The following MBOAT1 variants were observed in gnomAD, a reference collection of about 807,000 sequenced individuals.
MBOAT1 encodes the protein membrane-bound glycerophospholipid O-acyltransferase 1.
Under a neutral mutation model 64.4 loss-of-function variants are expected in MBOAT1, and 67 were observed. That is an observed-to-expected ratio of 1.04 (90% CI 0.85 to 1.27). MBOAT1 has a LOEUF of 1.27. Ranked by LOEUF, MBOAT1 falls within the 50% of genes most tolerant of loss-of-function variation. The probability of loss-of-function intolerance (pLI) is 0.00; values close to 1 mark genes in which losing one functional copy is unlikely to be tolerated. For missense variants in MBOAT1, 563 were observed against 604.6 expected (o/e 0.93, Z 0.72); for synonymous variants, 229 against 218.9 (o/e 1.05, Z -0.41).
chr6:20,142,693 AC>A (rs1256756925), intron 4 of MBOAT1, among the ~76,000 whole-genome samples: 5 of 152,018 alleles, frequency 3.3e-5, no homozygotes, highest in African/African-American at 1.2e-4. Context: ...CAAGTGATCC[AC>A]CCACCTCAGC....
At chr6:20,103,414 TGG>T (rs1423789393) in intron 12 of MBOAT1, among the ~76,000 whole-genome samples, 6 of 150,772 alleles carry the variant, frequency 4.0e-5, no homozygotes, top group Non-Finnish European at 5.9e-5. Flanking sequence ...GTTGTTGTTT[TGG>T]TTTTTTGTTT....
chr6:20,117,018 T>C (rs1760340943), intron 9 of MBOAT1, among the ~76,000 whole-genome samples: 1 of 152,208 alleles, frequency 6.6e-6, no homozygotes, highest in Admixed American at 6.5e-5. Flanking sequence ...AAGAGAAGCT[T>C]ACGGATCATG....
At chr6:20,196,660 A>G (rs1176525804) in intron 1 of MBOAT1, among the ~76,000 whole-genome samples, 1 of 152,182 alleles carries the variant, frequency 6.6e-6, no homozygotes, top group Non-Finnish European at 1.5e-5. Context: ...CAGGAGTTCG[A>G]GACCAGCCTG....
rs565820380 is a variant in MBOAT1, at chr6:20,174,392, A to G, written c.100-21623T>C. On this transcript the variant is annotated intron_variant, in intron 1 of 12. Transcript: ENST00000324607. ...TAGCCTATTATTACTTGCAGGTTACACATCTGTACAGCATCTTACTATACT... is the reference window on the plus strand; with the variant it reads ...TAGCCTATTATTACTTGCAGGTTACGCATCTGTACAGCATCTTACTATACT... Among the ~76,000 whole-genome samples the G allele has an allele frequency of 5.3e-5, 8 of 152,376 alleles. No individual in the cohort carries two copies. In the South Asian group the frequency reaches 6.2e-4, roughly 12 times the overall value.
At position 20,133,917 on chromosome 6, in the gene MBOAT1, C is replaced by G. The variant is rs564064018; in HGVS notation, c.420-2718G>C. On this transcript the variant is annotated intron_variant, in intron 4 of 12. Transcript: ENST00000324607. ...ACCCATGATCACACTGACACCATGC[C>G]TCCCTCAGGCTGCTCCCAGCTATGA... is the stretch of plus-strand genomic sequence containing the variant. Among the ~76,000 whole-genome samples, 13 of 152,268 alleles carry G rather than the reference C, an allele frequency of 8.5e-5. No individual in the cohort carries two copies. In the South Asian group the frequency reaches 2.7e-3, roughly 32 times the overall value.
chr6:20,191,858 AAGGT>A (rs1482562775), intron 1 of MBOAT1, among the ~76,000 whole-genome samples: 1 of 152,222 alleles, frequency 6.6e-6, no homozygotes, highest in African/African-American at 2.4e-5. Flanking sequence ...CTGGAAGTTA[AAGGT>A]AGAAATACTC....
At chr6:20,195,770 TAAG>T (rs1762939160) in intron 1 of MBOAT1, among the ~76,000 whole-genome samples, 1 of 151,860 alleles carries the variant, frequency 6.6e-6, no homozygotes, top group Non-Finnish European at 1.5e-5. Flanking sequence ...TGTCAGAAAA[TAAG>T]AAGATTCCTC....
intron 11 of MBOAT1, among the ~76,000 whole-genome samples, chr6:20,112,504 T>C (rs2113633799): frequency 6.6e-6 from 1 of 152,274 alleles, no homozygotes; most frequent in South Asian, 2.1e-4. Context: ...TTAAGCAAAG[T>C]ATAAGCAAAT....
intron 4 of MBOAT1, among the ~76,000 whole-genome samples, chr6:20,140,667 C>T (rs531763641): frequency 6.6e-6 from 1 of 152,306 alleles, no homozygotes; most frequent in African/African-American, 2.4e-5. Context: ...AGGCCTTCAG[C>T]CTCAGACTGA....
At chr6:20,119,282 A>T (rs1363349426) in intron 8 of MBOAT1, among the ~76,000 whole-genome samples, 1 of 152,232 alleles carries the variant, frequency 6.6e-6, no homozygotes, top group African/African-American at 2.4e-5. Context: ...CTGAACTATA[A>T]GAGAATGTTC....
intron 11 of MBOAT1, 34 bp downstream of exon 11, chr6:20,112,842 A>C (rs114146961): frequency 6.3e-7 from 1 of 1,597,906 alleles, no homozygotes; most frequent in South Asian, 1.1e-5. Flanking sequence ...TCAGATTACT[A>C]AGGGGAAAGA....
chr6:20,138,132 A>G (rs981792977), intron 4 of MBOAT1, among the ~76,000 whole-genome samples: 1 of 152,180 alleles, frequency 6.6e-6, no homozygotes, highest in African/African-American at 2.4e-5. Flanking sequence ...ACCCAGGAAG[A>G]GGGATTTATG....
chr6:20,212,360 C>A lies in MBOAT1; in HGVS notation c.-126G>T. On this transcript the variant is annotated 5_prime_UTR_variant, in exon 1 of 13. Transcript: ENST00000324607. ...CACGGCCGCCTGGTTCGCGGGGGAG[C>A]GAACGGGAGGCCGGGGAATGCGAAC... is the stretch of plus-strand genomic sequence containing the variant. 1 of 791,986 alleles carries A rather than the reference C, an allele frequency of 1.3e-6. No individual in the cohort carries two copies. Among genetic ancestry groups the A allele is most frequent in the Non-Finnish European group, 2.0e-6 (1 of 505,818 alleles). The allele number at this position is 791,986 out of a possible 1,614,324, so 49.1% of individuals were successfully genotyped here. A position where few individuals can be genotyped will look rare whatever the true frequency, so the allele number is the denominator to read the frequency against.
chr6:20,182,952 A>T (rs1287102975), intron 1 of MBOAT1, among the ~76,000 whole-genome samples: 1 of 152,222 alleles, frequency 6.6e-6, no homozygotes, highest in African/African-American at 2.4e-5. Flanking sequence ...TTTTTCACAG[A>T]TAGAACAGTT....
intron 12 of MBOAT1, among the ~76,000 whole-genome samples, chr6:20,106,237 G>A (rs1464905652): frequency 6.6e-6 from 1 of 152,162 alleles, no homozygotes; most frequent in Admixed American, 6.5e-5. Context: ...ACTGTTTGAG[G>A]TGTAATCAAT....
At chr6:20,181,192 T>C (rs1286031269) in intron 1 of MBOAT1, among the ~76,000 whole-genome samples, 2 of 152,150 alleles carry the variant, frequency 1.3e-5, no homozygotes, top group Admixed American at 1.3e-4. Flanking sequence ...CAACTTCGAC[T>C]GTTATGGTGA....
chr6:20,156,746 T>C (rs1013050823), intron 1 of MBOAT1, among the ~76,000 whole-genome samples: 8 of 152,246 alleles, frequency 5.3e-5, no homozygotes, highest in African/African-American at 1.7e-4. Context: ...TTGTCTGTTA[T>C]TGGTGTATAA....
intron 1 of MBOAT1, among the ~76,000 whole-genome samples, chr6:20,168,557 GAAA>G (rs1561773125): frequency 1.0e-4 from 13 of 126,490 alleles, no homozygotes; most frequent in East Asian, 4.4e-4. Context: ...GGGAAACAGA[GAAA>G]GAGAAAGAGA....
intron 11 of MBOAT1, among the ~76,000 whole-genome samples, chr6:20,111,851 T>TATAC (rs1760166841): frequency 1.5e-5 from 2 of 132,030 alleles, no homozygotes; most frequent in African/African-American, 6.2e-5. Flanking sequence ...TATATACATA[T>TATAC]ATATATACAT....
Sources: gnomAD v4.1 joint callset for allele counts (sites outside exome capture counted in the v4.1 genomes callset) on GRCh38, gnomAD v4.1.1 for gene constraint, MANE v1.5 for transcripts, NCBI Gene and HGNC (gene_info 2026-07-23, HGNC 2026-07-21) for gene names.